Variants in PTPRD observed in about 807,000 individuals in gnomAD.
The protein encoded by PTPRD is protein tyrosine phosphatase receptor type D.
Under a neutral mutation model 214.5 loss-of-function variants are expected in PTPRD, and 34 were observed. The ratio of observed to expected loss-of-function variants is 0.16; its 90% confidence interval spans 0.12 to 0.21. The LOEUF is 0.21. Among genes scored for constraint, PTPRD ranks in the 10% least tolerant of loss-of-function variants. PTPRD has a pLI of 1.00. For synonymous variants in PTPRD, 1,128 were observed against 845.7 expected (o/e 1.33, Z -5.79); for missense variants, 2,545 against 2,398.7 (o/e 1.06, Z -1.27).
At chr9:9,471,479 T>C (rs976809976) in intron 8 of PTPRD, among the ~76,000 whole-genome samples, 8 of 152,122 alleles carry the variant, frequency 5.3e-5, no homozygotes, top group Non-Finnish European at 8.8e-5. Context: ...TCAATACTCT[T>C]CTCATTTCAA....
At chr9:8,956,498 C>A (rs571412238) in intron 11 of PTPRD, among the ~76,000 whole-genome samples, 1 of 151,548 alleles carries the variant, frequency 6.6e-6, no homozygotes, top group African/African-American at 2.4e-5. Context: ...AATGAACAAT[C>A]CTTTGAGTGA....
intron 7 of PTPRD, among the ~76,000 whole-genome samples, chr9:9,681,739 G>A (rs1045374836): frequency 6.6e-6 from 1 of 151,710 alleles, no homozygotes; most frequent in Non-Finnish European, 1.5e-5. Flanking sequence ...AAAATTGAAT[G>A]TTGAGACTAG....
chr9:9,793,468 A>G (rs533724662), intron 5 of PTPRD, among the ~76,000 whole-genome samples: 35 of 152,296 alleles, frequency 2.3e-4, no homozygotes, highest in Admixed American at 6.5e-4. Flanking sequence ...TGTTATCAAT[A>G]TAAGTAGATA....
chr9:10,365,198 G>C (rs2097492066), intron 2 of PTPRD, among the ~76,000 whole-genome samples: 1 of 152,082 alleles, frequency 6.6e-6, no homozygotes, highest in African/African-American at 2.4e-5. Context: ...ACTCTCCTCA[G>C]ACAGGCTTTT....
intron 8 of PTPRD, among the ~76,000 whole-genome samples, chr9:9,521,261 T>G (rs1237777072): frequency 6.6e-6 from 1 of 152,152 alleles, no homozygotes; most frequent in Non-Finnish European, 1.5e-5. Context: ...TGATACTTTT[T>G]CCTCTTAGCT....
chr9:10,493,829 C>A (rs1197225391), intron 2 of PTPRD, among the ~76,000 whole-genome samples: 1 of 151,970 alleles, frequency 6.6e-6, no homozygotes, highest in Non-Finnish European at 1.5e-5. Context: ...GCCATACACA[C>A]ACAAATACAC....
At chr9:9,877,596 T>G (rs1292386213) in intron 5 of PTPRD, among the ~76,000 whole-genome samples, 3 of 152,070 alleles carry the variant, frequency 2.0e-5, no homozygotes, top group African/African-American at 4.8e-5. Flanking sequence ...TAGTTGAAGG[T>G]AAAAAGAATT....
chr9:9,989,121 C>A (rs963160410), intron 4 of PTPRD, among the ~76,000 whole-genome samples: 1 of 147,668 alleles, frequency 6.8e-6, no homozygotes, highest in Admixed American at 6.8e-5. Flanking sequence ...TTAAGAAGTT[C>A]ATTTGTAGAT....
At chr9:10,603,107 G>A (rs1591809485) in intron 2 of PTPRD, among the ~76,000 whole-genome samples, 2 of 151,826 alleles carry the variant, frequency 1.3e-5, no homozygotes, top group Admixed American at 6.6e-5. Context: ...AGGTTAGAGT[G>A]GTAGGAACTG....
At chr9:9,011,235 C>G (rs967609549) in intron 11 of PTPRD, among the ~76,000 whole-genome samples, 4 of 152,022 alleles carry the variant, frequency 2.6e-5, no homozygotes, top group Non-Finnish European at 5.9e-5. Flanking sequence ...TACATGGTCT[C>G]ACGTATCCCA....
At chr9:8,516,434 A>G (rs1254278382) in intron 21 of PTPRD, among the ~76,000 whole-genome samples, 1 of 152,224 alleles carries the variant, frequency 6.6e-6, no homozygotes, top group Non-Finnish European at 1.5e-5. Context: ...ATGGTATGAA[A>G]ATAAAGGCAG....
At chr9:8,627,573 AC>A (rs374305965) in intron 14 of PTPRD, among the ~76,000 whole-genome samples, 51 of 152,072 alleles carry the variant, frequency 3.4e-4, no homozygotes, top group African/African-American at 1.2e-3. Context: ...GCAATGATTT[AC>A]AAGTGTGCTC....
intron 11 of PTPRD, among the ~76,000 whole-genome samples, chr9:8,771,543 C>G (rs1425117839): frequency 2.0e-5 from 3 of 152,062 alleles, no homozygotes; most frequent in Non-Finnish European, 4.4e-5. Flanking sequence ...CAGTAAAACC[C>G]AAAGACCTCA....
rs7037475 is a variant in PTPRD at position 10,518,398 on chromosome 9, T to A, written c.-600+94000A>T. The stretch of plus-strand genomic sequence containing the variant: ...GGCAAATTTTACAAGTAGAAAAAAA[T>A]TAAGCACCATGTTGGCAATCAGTCC... On this transcript the variant is annotated intron_variant, in intron 2 of 45. Coordinates refer to ENST00000381196, the MANE Select transcript of PTPRD (RefSeq NM_002839.4). Among the ~76,000 whole-genome samples, 1,169 of 152,152 alleles carry A rather than the reference T, an allele frequency of 7.7e-3. 25 individuals are homozygous for A. The highest frequency in any genetic ancestry group is 0.027 in the African/African-American group (1,101 of 41,534).
chr9:10,327,546 T>C lies in PTPRD; in HGVS notation c.-545+13417A>G, dbSNP rs116661255. Among the ~76,000 whole-genome samples, 876 of 151,800 alleles carry C rather than the reference T, an allele frequency of 5.8e-3. 3 individuals carry two copies. Among genetic ancestry groups the C allele is most frequent in the African/African-American group, 0.02 (817 of 41,508 alleles). ...TCTAGAATATTCTATATTATATCAT[T>C]GGGTTTGGAAACCGTTTCCTGGAGA... On this transcript the variant is annotated intron_variant, in intron 3 of 45. Transcript: ENST00000381196.
At chr9:8,543,254 T>G (rs1488500451) in intron 14 of PTPRD, among the ~76,000 whole-genome samples, 1 of 152,208 alleles carries the variant, frequency 6.6e-6, no homozygotes, top group Non-Finnish European at 1.5e-5. Context: ...TGTTATAAAT[T>G]TGGGAAACAT....
chr9:8,735,071 C>T (rs1209795710), intron 11 of PTPRD, among the ~76,000 whole-genome samples: 3 of 151,780 alleles, frequency 2.0e-5, no homozygotes, highest in African/African-American at 7.3e-5. Context: ...TGAGTACTAC[C>T]ATCAGAGTTC....
intron 12 of PTPRD, among the ~76,000 whole-genome samples, chr9:8,690,104 T>G (rs1233447720): frequency 7.8e-6 from 1 of 127,980 alleles, no homozygotes; most frequent in Non-Finnish European, 1.6e-5. Context: ...CGAGACTCCA[T>G]CTTAAAAAAA....
At chr9:8,619,198 G>C (rs542569913) in intron 14 of PTPRD, among the ~76,000 whole-genome samples, 1 of 151,832 alleles carries the variant, frequency 6.6e-6, no homozygotes, top group Non-Finnish European at 1.5e-5. Context: ...TACCACTTTT[G>C]TGTTTGAGAA....
Sources: allele counts gnomAD v4.1 joint callset (sites outside exome capture counted in the v4.1 genomes callset), GRCh38; gene constraint gnomAD v4.1.1; transcripts MANE v1.5; gene names NCBI Gene and HGNC (gene_info 2026-07-23, HGNC 2026-07-21).